CACNA1C: variants seen among roughly 807,000 people sequenced by gnomAD.
CACNA1C encodes calcium voltage-gated channel subunit alpha1 C.
A neutral mutation model predicts 229.0 loss-of-function variants in CACNA1C; 30 were observed. The observed-to-expected ratio is 0.13, with a 90% CI of 0.10 to 0.18. CACNA1C has a LOEUF of 0.18. Ranked by LOEUF, CACNA1C falls within the 10% of genes least tolerant of loss-of-function variation. The pLI, the probability that CACNA1C is intolerant of heterozygous loss-of-function variation, is 1.00. For missense variants in CACNA1C, 1,658 were observed against 2,845.0 expected (o/e 0.58, Z 9.49); for synonymous variants, 1,114 against 1,132.5 (o/e 0.98, Z 0.33).
chr12:2,009,014 C>T (rs867233584), intron 1 of CACNA1C, among the ~76,000 whole-genome samples: 1 of 152,118 alleles, frequency 6.6e-6, no homozygotes, highest in Non-Finnish European at 1.5e-5. Flanking sequence ...AAGACCATTT[C>T]GAATAGGCAA....
chr12:2,568,626 G>A (rs1242778124), intron 13 of CACNA1C, among the ~76,000 whole-genome samples: 1 of 152,254 alleles, frequency 6.6e-6, no homozygotes, highest in Non-Finnish European at 1.5e-5. Context: ...CAAAGTAGAT[G>A]AAACTTAAGG....
chr12:2,174,276 G>A (rs1468533095), intron 3 of CACNA1C, among the ~76,000 whole-genome samples: 1 of 152,110 alleles, frequency 6.6e-6, no homozygotes, highest in Admixed American at 6.5e-5. Context: ...CTCTAGAAGG[G>A]AAAGCAAGTC....
At position 2,597,454 on chromosome 12, in the gene CACNA1C, C is replaced by T; in HGVS notation, c.2853+165C>T. The T allele has an allele frequency of 1.2e-6, 2 of 1,610,388 alleles. No homozygotes were observed. The highest frequency in any genetic ancestry group is 1.7e-5 in the Admixed American group (1 of 60,020). On this transcript the variant is annotated intron_variant, in intron 21 of 46. Transcript: ENST00000399655. The surrounding 1 kb of genome is among the most constrained non-coding windows in gnomAD (Gnocchi z 4.3). ...TTTTTCAGATCCTAGGCAATGCAGA[C>T]TATGTCTTCACTAGTATCTTTACAT... is the stretch of plus-strand genomic sequence containing the variant.
intron 1 of CACNA1C, among the ~76,000 whole-genome samples, chr12:2,045,167 T>C (rs898903212): frequency 3.3e-5 from 5 of 152,190 alleles, no homozygotes; most frequent in Non-Finnish European, 7.3e-5. Flanking sequence ...TGTTTACTCT[T>C]AGGACCGTGT....
At chr12:2,564,386 G>T (rs552884318) in intron 11 of CACNA1C, among the ~76,000 whole-genome samples, 115 of 152,278 alleles carry the variant, frequency 7.6e-4, no homozygotes, top group African/African-American at 2.7e-3. Flanking sequence ...CTGTCTAGAC[G>T]AGAGAGATTC....
At chr12:2,417,825 C>T (rs1184315182) in intron 3 of CACNA1C, among the ~76,000 whole-genome samples, 4 of 152,074 alleles carry the variant, frequency 2.6e-5, no homozygotes, top group African/African-American at 7.2e-5. Flanking sequence ...TTCCCCCCTG[C>T]AGGTGGCTAC....
intron 3 of CACNA1C, among the ~76,000 whole-genome samples, chr12:2,150,488 A>C (rs968919491): frequency 2.0e-5 from 3 of 152,168 alleles, no homozygotes; most frequent in Non-Finnish European, 4.4e-5. Context: ...CCGTGTTCAC[A>C]TCATGATATT....
At chr12:2,087,739 C>A (rs1163380806) in intron 1 of CACNA1C, among the ~76,000 whole-genome samples, 1 of 152,114 alleles carries the variant, frequency 6.6e-6, no homozygotes, top group Non-Finnish European at 1.5e-5. Context: ...TTTGCAGTGA[C>A]CTGCTGGGTG....
chr12:2,031,024 T>C (rs1180764933), intron 1 of CACNA1C, among the ~76,000 whole-genome samples: 1 of 152,092 alleles, frequency 6.6e-6, no homozygotes. Flanking sequence ...AAGACAGGTC[T>C]CTACAGGTTC....
chr12:1,985,820 C>CT (rs1482929585), intron 1 of CACNA1C, among the ~76,000 whole-genome samples: 8 of 151,252 alleles, frequency 5.3e-5, no homozygotes, highest in South Asian at 4.2e-4. Flanking sequence ...TTTCTTTTTT[C>CT]TTTTTTTTTG....
chr12:2,666,732 C>A lies in CACNA1C; in HGVS notation c.4573C>A (p.Gln1525Lys). ...TGTGGTGACCCTCCTCCGGCGGATT[C>A]AGCCGCCACTAGGTTTTGGGAAGCT... ...LDVVTLLRRI[Q>K]PPLGFGKLCP... is the part of the protein sequence containing the mutation. Residue 1525 changes from glutamine to lysine, a missense_variant, in exon 37 of 47, where the codon CAG becomes AAG. Coordinates refer to ENST00000399655, the MANE Select transcript of CACNA1C (RefSeq NM_000719.7). This position sits in a 1 kb window ranked among gnomAD's most constrained non-coding sequence, Gnocchi z 5.3. 1 of 1,604,256 alleles carries A rather than the reference C, an allele frequency of 6.2e-7. No homozygotes were observed. Among genetic ancestry groups the A allele is most frequent in the Non-Finnish European group, 8.5e-7 (1 of 1,175,432 alleles).
intron 31 of CACNA1C, 44 bp downstream of exon 31, chr12:2,648,551 C>T (rs774320384): frequency 6.3e-7 from 1 of 1,583,214 alleles, no homozygotes; most frequent in Non-Finnish European, 8.7e-7. Context: ...TCCGTGTCCC[C>T]CTCTAACACC....
chr12:2,385,881 C>G (rs1461091777), intron 3 of CACNA1C, among the ~76,000 whole-genome samples: 1 of 152,206 alleles, frequency 6.6e-6, no homozygotes, highest in African/African-American at 2.4e-5. Context: ...CCAGTGGTGT[C>G]CTACAGCTGG....
intron 3 of CACNA1C, among the ~76,000 whole-genome samples, chr12:2,256,181 A>T (rs182904015): frequency 1.3e-5 from 2 of 152,142 alleles, no homozygotes; most frequent in African/African-American, 4.8e-5. Flanking sequence ...CACTGGAGCT[A>T]CTAGATCAGA....
chr12:2,340,961 AAG>A (rs1231197471), intron 3 of CACNA1C, among the ~76,000 whole-genome samples: 1 of 151,954 alleles, frequency 6.6e-6, no homozygotes, highest in Non-Finnish European at 1.5e-5. Context: ...CGTCTCAAAA[AAG>A]AAAAAAAAAA....
At chr12:2,521,483 A>AT in intron 9 of CACNA1C, among the ~76,000 whole-genome samples, 1 of 152,156 alleles carries the variant, frequency 6.6e-6, no homozygotes, top group Non-Finnish European at 1.5e-5. Context: ...GGTGTGGAGC[A>AT]TGAAGGCCCT....
intron 3 of CACNA1C, among the ~76,000 whole-genome samples, chr12:2,353,560 A>C (rs773480350): frequency 1.3e-5 from 2 of 152,148 alleles, no homozygotes; most frequent in Admixed American, 1.3e-4. Flanking sequence ...TGCTTCCATC[A>C]AGTCAAGGTC....
chr12:2,233,976 G>A (rs1269173181), intron 3 of CACNA1C, among the ~76,000 whole-genome samples: 3 of 152,140 alleles, frequency 2.0e-5, no homozygotes, highest in Non-Finnish European at 4.4e-5. Context: ...TTACTCCCAG[G>A]TCCACCCTTC....
At chr12:2,383,596 C>T (rs1006773277) in intron 3 of CACNA1C, among the ~76,000 whole-genome samples, 3 of 152,128 alleles carry the variant, frequency 2.0e-5, no homozygotes, top group Non-Finnish European at 2.9e-5. Flanking sequence ...TTCACTGCCT[C>T]GTCTGCAATG....
Sources: gnomAD v4.1 joint callset for allele counts (sites outside exome capture counted in the v4.1 genomes callset) on GRCh38, gnomAD v4.1.1 for gene constraint, Gnocchi (gnomAD v3.1) non-coding constraint, MANE v1.5 for transcripts, NCBI Gene and HGNC (gene_info 2026-07-23, HGNC 2026-07-21) for gene names.